The following IFT88 variants were observed in gnomAD, a reference collection of about 807,000 sequenced individuals.
The protein encoded by IFT88 is intraflagellar transport 88, also known as intraflagellar transport protein 88 homolog.
IFT88 carries 74 observed loss-of-function variants against 119.5 expected under a neutral mutation model. That is an observed-to-expected ratio of 0.62 (90% CI 0.51 to 0.75). The LOEUF (loss-of-function observed/expected upper bound fraction) is 0.75, where lower values mean the gene tolerates loss of function less well. Among genes scored for constraint, IFT88 ranks in the 30% least tolerant of loss-of-function variants. The pLI is 0.00. For missense variants in IFT88, 961 were observed against 977.7 expected (o/e 0.98, Z 0.23); for synonymous variants, 279 against 316.7 (o/e 0.88, Z 1.26).
intron 24 of IFT88, among the ~76,000 whole-genome samples, chr13:20,686,108 C>T (rs370180883): frequency 2.2e-4 from 34 of 152,144 alleles, no homozygotes; most frequent in Admixed American, 3.3e-4. Context: ...GATCCCACAT[C>T]GAGCTTCCTT....
chr13:20,675,294 G>T (rs539688248), intron 24 of IFT88, among the ~76,000 whole-genome samples: 1 of 152,214 alleles, frequency 6.6e-6, no homozygotes, highest in South Asian at 2.1e-4. Flanking sequence ...CTTCTCTAAG[G>T]ATCATGCCTG....
intron 24 of IFT88, among the ~76,000 whole-genome samples, chr13:20,685,583 G>A (rs7332493): frequency 0.21 from 32,092 of 152,050 alleles, 3,895 homozygotes; most frequent in African/African-American, 0.31. Flanking sequence ...TAAAATGCCC[G>A]TACCCAGCCG....
At chr13:20,667,216 T>C (rs1029878142) in intron 23 of IFT88, among the ~76,000 whole-genome samples, 3 of 152,226 alleles carry the variant, frequency 2.0e-5, no homozygotes, top group South Asian at 2.1e-4. Context: ...CTGTGAACTT[T>C]ATGAAGTGTT....
At chr13:20,576,908 T>C (rs4770059) in intron 2 of IFT88, among the ~76,000 whole-genome samples, 101,661 of 152,036 alleles carry the variant, frequency 0.67, 35,918 homozygotes, top group East Asian at 1. Context: ...AATAATGACA[T>C]TGGTATTTTG....
chr13:20,618,398 T>TA (rs1366031379), intron 14 of IFT88, among the ~76,000 whole-genome samples: 2 of 152,226 alleles, frequency 1.3e-5, no homozygotes, highest in African/African-American at 4.8e-5. Context: ...TTCTGATACC[T>TA]ACTATACTGT....
At chr13:20,604,671 G>T (rs574463111) in intron 12 of IFT88, among the ~76,000 whole-genome samples, 3 of 152,170 alleles carry the variant, frequency 2.0e-5, no homozygotes, top group African/African-American at 7.2e-5. Context: ...ATTCAAGTTC[G>T]TGGCTGGACA....
At chr13:20,660,330 G>A (rs978126761) in intron 22 of IFT88, among the ~76,000 whole-genome samples, 16 of 152,188 alleles carry the variant, frequency 1.1e-4, no homozygotes, top group African/African-American at 3.9e-4. Flanking sequence ...AGGCAGAGTG[G>A]GTGGGCCAGG....
intron 13 of IFT88, among the ~76,000 whole-genome samples, chr13:20,606,941 T>C (rs1288011147): frequency 6.6e-6 from 1 of 152,116 alleles, no homozygotes; most frequent in Non-Finnish European, 1.5e-5. Context: ...CTTAAGGACA[T>C]TGAATGATGC....
intron 22 of IFT88, among the ~76,000 whole-genome samples, chr13:20,661,186 A>C (rs922279452): frequency 2.0e-5 from 3 of 152,174 alleles, no homozygotes; most frequent in Non-Finnish European, 4.4e-5. Context: ...GGATCTCTTA[A>C]CTCTGCCCAA....
At chr13:20,582,166 CG>C (rs1011687735) in intron 2 of IFT88, among the ~76,000 whole-genome samples, 6 of 151,910 alleles carry the variant, frequency 3.9e-5, no homozygotes, top group African/African-American at 1.5e-4. Flanking sequence ...GTAGGAAATA[CG>C]GGATGGTTGG....
chr13:20,581,633 G>T (rs549285634), intron 2 of IFT88, among the ~76,000 whole-genome samples: 2 of 152,196 alleles, frequency 1.3e-5, no homozygotes, highest in East Asian at 3.9e-4. Flanking sequence ...CTCAGGGGTG[G>T]ATCACTTGAG....
At chr13:20,687,855 A>ACAAGAGTAAGC (rs1555318470) in intron 24 of IFT88, among the ~76,000 whole-genome samples, 2 of 87,488 alleles carry the variant, frequency 2.3e-5, no homozygotes, top group Non-Finnish European at 4.5e-5. Flanking sequence ...GTTTAAATCC[A>ACAAGAGTAAGC]ATGTGCAGGA....
chr13:20,644,224 T>A (rs2050394576), intron 19 of IFT88, among the ~76,000 whole-genome samples: 1 of 151,850 alleles, frequency 6.6e-6, no homozygotes, highest in East Asian at 1.9e-4. Context: ...AAAAGGACAG[T>A]CCTGGTGGCC....
intron 2 of IFT88, 63 bp downstream of exon 2, chr13:20,574,538 G>T: frequency 1.2e-6 from 1 of 811,684 alleles, no homozygotes; most frequent in South Asian, 1.8e-5. Context: ...TGAAGACTGT[G>T]GATTTGAGAG....
chr13:20,570,566 T>G (rs564422765), intron 1 of IFT88, among the ~76,000 whole-genome samples: 1 of 152,352 alleles, frequency 6.6e-6, no homozygotes, highest in Admixed American at 6.5e-5. Flanking sequence ...ACTGCGTGGA[T>G]GAACCTTGGA....
intron 1 of IFT88, among the ~76,000 whole-genome samples, chr13:20,570,259 C>G (rs989402068): frequency 2.6e-5 from 4 of 152,190 alleles, no homozygotes; most frequent in Non-Finnish European, 5.9e-5. Context: ...TTGGAAACTT[C>G]ATGCATTGCA....
intron 24 of IFT88, among the ~76,000 whole-genome samples, chr13:20,676,833 T>G (rs1286452969): frequency 6.6e-6 from 1 of 152,220 alleles, no homozygotes; most frequent in Non-Finnish European, 1.5e-5. Flanking sequence ...AAAATACATA[T>G]GCACATACAT....
chr13:20,569,750 C>T (rs778175032), intron 1 of IFT88, among the ~76,000 whole-genome samples: 69 of 151,516 alleles, frequency 4.6e-4, no homozygotes, highest in Non-Finnish European at 8.4e-4. Context: ...ATGAGCTGGC[C>T]GGGCGCGGTG....
At chr13:20,631,315 G>A in intron 16 of IFT88, 1 of 498,442 alleles carries the variant, frequency 2.0e-6, no homozygotes, top group Middle Eastern at 5.5e-4. Context: ...GAGAAGGGAG[G>A]AAGAAAAATT....
Sources: gnomAD v4.1 joint callset for allele counts (sites outside exome capture counted in the v4.1 genomes callset) on GRCh38, gnomAD v4.1.1 for gene constraint, MANE v1.5 for transcripts, NCBI Gene and HGNC (gene_info 2026-07-23, HGNC 2026-07-21) for gene names.